Variants in CSGALNACT1 observed in about 807,000 individuals in gnomAD.
CSGALNACT1 encodes chondroitin sulfate N-acetylgalactosaminyltransferase 1.
A neutral mutation model predicts 51.0 loss-of-function variants in CSGALNACT1; 52 were observed. The ratio of observed to expected loss-of-function variants is 1.02; its 90% CI spans 0.82 to 1.29. CSGALNACT1 has a LOEUF of 1.29. Ranked by LOEUF, CSGALNACT1 falls within the 50% of genes most tolerant of loss-of-function variation. The probability of loss-of-function intolerance (pLI) is 0.00; values close to 1 mark genes in which losing one functional copy is unlikely to be tolerated. For synonymous variants in CSGALNACT1, 341 were observed against 254.4 expected (o/e 1.34, Z -3.24); for missense variants, 935 against 679.2 (o/e 1.38, Z -4.19).
intron 3 of CSGALNACT1, among the ~76,000 whole-genome samples, chr8:19,544,813 A>G (rs2154075313): frequency 6.6e-6 from 1 of 152,338 alleles, no homozygotes; most frequent in South Asian, 2.1e-4. Context: ...CTGGAAAAAT[A>G]CAGACATCAT....
At chr8:19,449,040 T>C (rs530027376) in intron 5 of CSGALNACT1, among the ~76,000 whole-genome samples, 42 of 152,320 alleles carry the variant, frequency 2.8e-4, no homozygotes, top group Non-Finnish European at 4.6e-4. Context: ...ATAATTATTC[T>C]ATTCCATCAT....
chr8:19,605,048 C>G (rs2051177759), upstream of CSGALNACT1, among the ~76,000 whole-genome samples: 1 of 152,150 alleles, frequency 6.6e-6, no homozygotes, highest in South Asian at 2.1e-4. Flanking sequence ...CCCTGATCCC[C>G]TATAATTCCC....
In CSGALNACT1 at chr8:19,598,107, G is replaced by C. The variant is rs114385649; in HGVS notation, c.-416+3664C>G. On this transcript the variant is annotated intron_variant, in intron 2 of 9. Transcript: ENST00000454498. The stretch of plus-strand genomic sequence containing the variant: ...GGACAGCAGAATAAGACATGGAGGA[G>C]AGAAGGTGAAGCACAGGCTTGGAGG... Among the ~76,000 whole-genome samples the C allele has an allele frequency of 7.9e-3, 1,210 of 152,330 alleles. 18 individuals carry two copies. Among genetic ancestry groups the C allele is most frequent in the African/African-American group, 0.027 (1,143 of 41,572 alleles).
chr8:19,615,175 G>A (rs1375014396), intron 1 of CSGALNACT1, among the ~76,000 whole-genome samples: 2 of 152,178 alleles, frequency 1.3e-5, no homozygotes, highest in Non-Finnish European at 2.9e-5. Context: ...ATGCTGGCGT[G>A]CACCTGTAAT....
At chr8:19,706,204 G>A (rs2062154370) in intron 1 of CSGALNACT1, among the ~76,000 whole-genome samples, 1 of 152,156 alleles carries the variant, frequency 6.6e-6, no homozygotes, top group South Asian at 2.1e-4. Flanking sequence ...CTTCCCCAAT[G>A]TCATAGTTAA....
At chr8:19,547,702 G>C (rs186085032) in intron 3 of CSGALNACT1, among the ~76,000 whole-genome samples, 2 of 152,130 alleles carry the variant, frequency 1.3e-5, no homozygotes, top group Non-Finnish European at 2.9e-5. Flanking sequence ...TAATACCGTA[G>C]AATACAATAA....
intron 3 of CSGALNACT1, among the ~76,000 whole-genome samples, chr8:19,514,506 T>C (rs1272846980): frequency 7.2e-6 from 1 of 138,334 alleles, no homozygotes; most frequent in African/African-American, 2.9e-5. Context: ...TATATATATA[T>C]ATATACATGT....
At position 19,521,727 on chromosome 8, in the gene CSGALNACT1, C is replaced by G. The variant is rs139348968; in HGVS notation, c.-296-15597G>C. ...AACATGTACATTTCTGAGGATGGAG[C>G]TGCCACTGAAAAATAACACACACAA... On this transcript the variant is annotated intron_variant, in intron 3 of 9. Coordinates refer to ENST00000454498, the Ensembl canonical transcript of CSGALNACT1. 4.4e-3 allele frequency among the ~76,000 whole-genome samples: 668 copies of G among 152,252 alleles called. 4 individuals are homozygous for G. The highest frequency in any genetic ancestry group is 0.015 in the African/African-American group (640 of 41,542).
intron 1 of CSGALNACT1, among the ~76,000 whole-genome samples, chr8:19,656,117 A>C (rs1183129840): frequency 6.6e-6 from 1 of 152,210 alleles, no homozygotes; most frequent in Non-Finnish European, 1.5e-5. Context: ...TTCAGTCATC[A>C]TGGACTCTCA....
chr8:19,465,912 C>T (rs1465921504), intron 4 of CSGALNACT1, among the ~76,000 whole-genome samples: 2 of 152,142 alleles, frequency 1.3e-5, no homozygotes, highest in East Asian at 3.9e-4. Context: ...GATAACTCAG[C>T]ACATAGAAAA....
intron 4 of CSGALNACT1, among the ~76,000 whole-genome samples, chr8:19,476,807 C>A (rs2069791946): frequency 6.6e-6 from 1 of 152,170 alleles, no homozygotes; most frequent in African/African-American, 2.4e-5. Flanking sequence ...TCCCAGTGCT[C>A]ATGTCACAGC....
chr8:19,463,870 C>T (rs1289085234), intron 4 of CSGALNACT1, among the ~76,000 whole-genome samples: 1 of 152,168 alleles, frequency 6.6e-6, no homozygotes, highest in South Asian at 2.1e-4. Flanking sequence ...GTGGGGACAT[C>T]TCCATGTATC....
intron 5 of CSGALNACT1, among the ~76,000 whole-genome samples, chr8:19,449,077 A>G (rs1309403005): frequency 6.6e-6 from 1 of 152,206 alleles, no homozygotes; most frequent in Non-Finnish European, 1.5e-5. Flanking sequence ...GTGTTAAGAA[A>G]TGAGTGAATT....
intron 1 of CSGALNACT1, among the ~76,000 whole-genome samples, chr8:19,718,060 G>A (rs944007677): frequency 6.6e-6 from 1 of 152,110 alleles, no homozygotes; most frequent in Non-Finnish European, 1.5e-5. Flanking sequence ...GGGGCCCAGA[G>A]TCCCTTTTTA....
At chr8:19,510,902 T>C (rs1472331437) in intron 3 of CSGALNACT1, among the ~76,000 whole-genome samples, 1 of 152,222 alleles carries the variant, frequency 6.6e-6, no homozygotes, top group African/African-American at 2.4e-5. Context: ...GGCCAGTGCA[T>C]ACCGGGATTT....
exon 10 of CSGALNACT1, chr8:19,405,148 G>C (rs2053900762): frequency 4.4e-6 from 2 of 451,450 alleles, no homozygotes; most frequent in South Asian, 3.2e-5. Context: ...GGGAAAAAAA[G>C]TGCATTTTTA....
chr8:19,746,687 A>T (rs1483596021), intron 1 of CSGALNACT1, among the ~76,000 whole-genome samples: 2 of 152,182 alleles, frequency 1.3e-5, no homozygotes, highest in African/African-American at 4.8e-5. Flanking sequence ...CATTAATTCC[A>T]ACTCCAACAT....
chr8:19,651,493 C>A (rs544456179), intron 1 of CSGALNACT1, among the ~76,000 whole-genome samples: 1 of 152,304 alleles, frequency 6.6e-6, no homozygotes, highest in East Asian at 1.9e-4. Flanking sequence ...TTAGCTCCCA[C>A]TTGTAAGCGA....
chr8:19,516,064 G>A (rs960572639), intron 3 of CSGALNACT1, among the ~76,000 whole-genome samples: 9 of 152,032 alleles, frequency 5.9e-5, no homozygotes, highest in Admixed American at 4.6e-4. Context: ...TCTTGGTGCC[G>A]GTTCTCACCC....
Sources: gnomAD v4.1 joint callset for allele counts (sites outside exome capture counted in the v4.1 genomes callset) on GRCh38, gnomAD v4.1.1 for gene constraint, MANE v1.5 for transcripts, NCBI Gene and HGNC (gene_info 2026-07-23, HGNC 2026-07-21) for gene names.